SNUPN: variants seen among roughly 807,000 people sequenced by gnomAD.
SNUPN encodes snurportin 1.
In SNUPN, 31 loss-of-function variants were observed where a neutral mutation model predicts 39.2. The observed-to-expected ratio is 0.79, with a 90% CI of 0.59 to 1.07. The LOEUF (loss-of-function observed/expected upper bound fraction) is 1.07. Among genes scored for constraint, SNUPN ranks in the 50% least tolerant of loss-of-function variants. The pLI, the probability that SNUPN is intolerant of heterozygous loss-of-function variation, is 0.00. For synonymous variants in SNUPN, 132 were observed against 159.0 expected (o/e 0.83, Z 1.28); for missense variants, 382 against 434.2 (o/e 0.88, Z 1.07).
chr15:75,615,930 C>T (rs950590198), intron 3 of SNUPN, among the ~76,000 whole-genome samples: 8 of 151,934 alleles, frequency 5.3e-5, no homozygotes, highest in Non-Finnish European at 7.4e-5. Context: ...TTTTATAGCA[C>T]AAAACATCTT....
chr15:75,613,122 G>A (rs534621923), intron 3 of SNUPN, among the ~76,000 whole-genome samples: 61 of 151,960 alleles, frequency 4.0e-4, no homozygotes, highest in Non-Finnish European at 6.8e-4. Flanking sequence ...AGCCGGGCGC[G>A]GTGGCGGGCA....
At chr15:75,600,849 T>G in intron 8 of SNUPN, 1 of 348,454 alleles carries the variant, frequency 2.9e-6, no homozygotes, top group Non-Finnish European at 5.5e-6. Context: ...CAAGTCTTGC[T>G]CCTATCTGGG....
intron 2 of SNUPN, among the ~76,000 whole-genome samples, chr15:75,619,508 G>A (rs1893016826): frequency 6.6e-6 from 1 of 151,978 alleles, no homozygotes; most frequent in Non-Finnish European, 1.5e-5. Flanking sequence ...CAGGTGCTAT[G>A]GAGTGTGCCT....
intron 5 of SNUPN, among the ~76,000 whole-genome samples, chr15:75,608,857 G>A (rs1892697333): frequency 6.6e-6 from 1 of 152,120 alleles, no homozygotes; most frequent in Non-Finnish European, 1.5e-5. Context: ...TAAGCTTTCA[G>A]GCCGGGTGCA....
At chr15:75,619,002 T>C (rs940062991) in intron 2 of SNUPN, among the ~76,000 whole-genome samples, 3 of 122,412 alleles carry the variant, frequency 2.5e-5, no homozygotes, top group Non-Finnish European at 4.8e-5. Context: ...GAACAGTATA[T>C]AGTATACTGC....
intron 3 of SNUPN, among the ~76,000 whole-genome samples, chr15:75,611,239 T>C (rs1288714384): frequency 2.0e-5 from 3 of 151,642 alleles, no homozygotes; most frequent in African/African-American, 7.2e-5. Flanking sequence ...TCTCCTTCCC[T>C]TTAGGCACTC....
intron 7 of SNUPN, among the ~76,000 whole-genome samples, chr15:75,601,833 C>T (rs1002954356): frequency 6.6e-6 from 1 of 152,138 alleles, no homozygotes; most frequent in Non-Finnish European, 1.5e-5. Context: ...TACTAATTCC[C>T]CTCTACTTAC....
Position 75,609,874 on chromosome 15 carries a change from G to C in SNUPN, c.408+16C>G. The C allele has an allele frequency of 6.3e-7, 1 of 1,586,692 alleles. No homozygotes were observed. The highest frequency in any genetic ancestry group is 1.7e-4 in the Middle Eastern group (1 of 6,008). On this transcript the variant is annotated intron_variant, in intron 4 of 8. Transcript: ENST00000308588. ...CAGACCAGGCCTACTGGCATAGGGG[G>C]CAGGCAGCTACTCACCCTGGAGGCC...
At chr15:75,621,951 G>A (rs780706977) in intron 1 of SNUPN, among the ~76,000 whole-genome samples, 3 of 152,156 alleles carry the variant, frequency 2.0e-5, no homozygotes, top group Non-Finnish European at 2.9e-5. Flanking sequence ...CAGAAGAATC[G>A]CTTGAACCTG....
At chr15:75,623,746 G>T (rs1197876129) in intron 1 of SNUPN, among the ~76,000 whole-genome samples, 1 of 151,686 alleles carries the variant, frequency 6.6e-6, no homozygotes, top group Non-Finnish European at 1.5e-5. Context: ...CACCCGGCTT[G>T]AGGTGTGCCT....
chr15:75,598,366 C>T lies in SNUPN; in HGVS notation c.1075G>A (p.Glu359Lys). ...HSPDHPGCLM[E>K]N ...TAAGGAGGCTTCTCTCTTTAATTCTCCATGAGGCATCCAGGGTGGTCTGGG... is the reference window on the plus strand; with the variant it reads ...TAAGGAGGCTTCTCTCTTTAATTCTTCATGAGGCATCCAGGGTGGTCTGGG... The change falls in exon 9 of 9, where the codon GAG (glutamate) becomes AAG (lysine). Residue 359 changes from glutamate (E) to lysine (K), a missense_variant. Glu to Lys is a moderately conservative substitution (Grantham distance 56). Coordinates refer to ENST00000308588, the MANE Select transcript of SNUPN (RefSeq NM_005701.4). 6.2e-7 allele frequency: 1 copy of T among 1,613,268 alleles called. No homozygotes were observed. Among genetic ancestry groups the T allele is most frequent in the Non-Finnish European group, 8.5e-7 (1 of 1,179,518 alleles).
chr15:75,604,137 G>A (rs2075312820), intron 7 of SNUPN, among the ~76,000 whole-genome samples: 1 of 150,470 alleles, frequency 6.6e-6, no homozygotes, highest in African/African-American at 2.4e-5. Context: ...TCCTATAACT[G>A]GTTGTCCAAT....
intron 1 of SNUPN, among the ~76,000 whole-genome samples, chr15:75,623,094 G>C (rs1893114161): frequency 6.6e-6 from 1 of 152,150 alleles, no homozygotes; most frequent in South Asian, 2.1e-4. Context: ...GAACTCTCCA[G>C]AACTCCTTTT....
Position 75,601,233 on chromosome 15 carries a change from A to C in SNUPN, c.679-15T>G. ...ACAAATTTAAACTGAAATAGAAATT[A>C]GAACAAGGAATTAGTACGTTATAAA... On this transcript the variant is annotated splice_polypyrimidine_tract_variant and intron_variant, in intron 7 of 8. Coordinates refer to ENST00000308588, the MANE Select transcript of SNUPN (RefSeq NM_005701.4). 1 of 1,567,052 alleles carries C rather than the reference A, an allele frequency of 6.4e-7. No individual in the cohort carries two copies. Among genetic ancestry groups the C allele is most frequent in the Non-Finnish European group, 8.8e-7 (1 of 1,137,502 alleles).
chr15:75,614,298 GTAAA>G (rs944021029), intron 3 of SNUPN, among the ~76,000 whole-genome samples: 1 of 151,734 alleles, frequency 6.6e-6, no homozygotes, highest in Non-Finnish European at 1.5e-5. Flanking sequence ...CTCGAAAAAA[GTAAA>G]TAAATAAAAT....
At chr15:75,602,198 ACTCCGT>A (rs757991162) in intron 7 of SNUPN, among the ~76,000 whole-genome samples, 2 of 151,784 alleles carry the variant, frequency 1.3e-5, no homozygotes, top group Admixed American at 6.6e-5. Context: ...ACAGAGCGAG[ACTCCGT>A]CTCTAAAAAT....
intron 2 of SNUPN, among the ~76,000 whole-genome samples, chr15:75,618,479 GT>G (rs1892990763): frequency 6.6e-6 from 1 of 151,628 alleles, no homozygotes; most frequent in African/African-American, 2.4e-5. Context: ...TCCCTTTATC[GT>G]TATCTTGTTT....
In SNUPN at chr15:75,609,940, T is replaced by A; in HGVS notation, c.358A>T (p.Ile120Phe). The A allele has an allele frequency of 3.1e-6, 5 of 1,614,002 alleles. No individual in the cohort carries two copies. The highest frequency in any genetic ancestry group is 4.2e-6 in the Non-Finnish European group (5 of 1,180,000). Residue 120 changes from isoleucine to phenylalanine, a missense_variant, in exon 4 of 9, where the codon ATT (isoleucine) becomes TTT (phenylalanine). Transcript: ENST00000308588. Reference sequence around the variant, plus strand: ...TTTCCAACAGGGCACACGACCACAATCCATTCCTGCCCCAAATCTGAAGGA... The same window carrying A: ...TTTCCAACAGGGCACACGACCACAAACCATTCCTGCCCCAAATCTGAAGGA... The part of the protein sequence containing the change: ...DVPSDLGQEW[I>F]VVVCPVGKRA...
intron 3 of SNUPN, among the ~76,000 whole-genome samples, chr15:75,614,550 TC>T (rs761359656): frequency 3.9e-5 from 6 of 152,194 alleles, no homozygotes; most frequent in Non-Finnish European, 7.4e-5. Context: ...TGATTCCCTT[TC>T]TATGAAATGT....
Sources: gnomAD v4.1 joint callset for allele counts (sites outside exome capture counted in the v4.1 genomes callset) on GRCh38, gnomAD v4.1.1 for gene constraint, MANE v1.5 for transcripts, NCBI Gene and HGNC (gene_info 2026-07-23, HGNC 2026-07-21) for gene names.